The following CENPK variants were observed in gnomAD, a reference collection of about 807,000 sequenced individuals.
The protein encoded by CENPK is SoxLZ/Sox6-binding protein Solt.
In CENPK, 46 loss-of-function variants were observed where a neutral mutation model predicts 40.9. The observed-to-expected ratio is 1.13, with a 90% CI of 0.89 to 1.44. The LOEUF (loss-of-function observed/expected upper bound fraction) is 1.44, where lower values mean the gene tolerates loss of function less well. Among genes scored for constraint, CENPK ranks in the 40% most tolerant of loss-of-function variants. CENPK has a pLI of 0.00. For synonymous variants in CENPK, 107 were observed against 104.4 expected, an observed-to-expected ratio of 1.02 and a Z score of -0.15; for missense variants, 288 against 303.5, an observed-to-expected ratio of 0.95 and a Z score of 0.38.
At position 65,528,701 on chromosome 5, in the gene CENPK, T is replaced by C. The variant is rs180691282; in HGVS notation, c.471-123A>G. 3.7e-5 allele frequency: 46 copies of C among 1,239,682 alleles called. No individual in the cohort carries two copies. In the Admixed American group the frequency reaches 1.3e-3, roughly 36 times the overall value. 76.8% of individuals were successfully genotyped at this position (1,239,682 alleles called of 1,614,324 possible). ...ACTTCATTTGCTCAAACCAAATAACTACCTTTTTGAAAATCATATTGTCTA... is the reference window on the plus strand; with the variant it reads ...ACTTCATTTGCTCAAACCAAATAACCACCTTTTTGAAAATCATATTGTCTA... On this transcript the variant is annotated intron_variant, in intron 8 of 10. Coordinates refer to ENST00000396679, the MANE Select transcript of CENPK (RefSeq NM_022145.5).
intron 6 of CENPK, among the ~76,000 whole-genome samples, chr5:65,530,841 C>T (rs1309957836): frequency 2.6e-5 from 4 of 151,754 alleles, no homozygotes; most frequent in East Asian, 3.9e-4. Flanking sequence ...GGCCAGGAGG[C>T]GGAGGCTGCA....
chr5:65,546,246 T>C (rs1410099405), intron 5 of CENPK, among the ~76,000 whole-genome samples: 1 of 152,166 alleles, frequency 6.6e-6, no homozygotes, highest in South Asian at 2.1e-4. Flanking sequence ...GCTCAGGTGA[T>C]CCACCAGCCC....
the CENPK span, among the ~76,000 whole-genome samples, chr5:65,508,376 A>G: frequency 2.6e-5 from 4 of 152,250 alleles, no homozygotes; most frequent in Admixed American, 2.6e-4. Context: ...GTAATTTTCT[A>G]TCACTATGGA....
At chr5:65,541,561 C>T (rs1581015023) in intron 6 of CENPK, 1 of 413,876 alleles carries the variant, frequency 2.4e-6, no homozygotes, top group East Asian at 7.2e-5. Flanking sequence ...TATCCTTAGA[C>T]ACATGTTCTT....
the CENPK span, among the ~76,000 whole-genome samples, chr5:65,506,825 A>G: frequency 6.6e-6 from 1 of 152,080 alleles, no homozygotes; most frequent in Non-Finnish European, 1.5e-5. Flanking sequence ...TGTTTTTTCA[A>G]ACATCTTCAA....
In CENPK at chr5:65,537,680, T is replaced by C. The variant is rs192704888; in HGVS notation, c.288+5122A>G. Among the ~76,000 whole-genome samples the C allele has an allele frequency of 3.4e-3, 520 of 152,308 alleles. 1 individual carries two copies. The highest frequency in any genetic ancestry group is 5.6e-3 in the Non-Finnish European group (380 of 68,030). On this transcript the variant is annotated intron_variant, in intron 6 of 10. Transcript: ENST00000396679. ...GAAGAAAACAGACTAAGACAGCAGT[T>C]TTTTGTGGCGGGCTTTTTTCATTTA...
chr5:65,538,422 C>G (rs1484979314), intron 6 of CENPK, among the ~76,000 whole-genome samples: 1 of 152,120 alleles, frequency 6.6e-6, no homozygotes. Context: ...TATATTATTA[C>G]TTAGAAATAT....
chr5:65,532,025 GAGA>G (rs1206631055), intron 6 of CENPK, among the ~76,000 whole-genome samples: 6 of 152,286 alleles, frequency 3.9e-5, no homozygotes, highest in African/African-American at 1.4e-4. Context: ...ATGGGGTGGA[GAGA>G]AGGACATAAA....
intron 5 of CENPK, among the ~76,000 whole-genome samples, chr5:65,543,889 A>G (rs1748435857): frequency 6.6e-6 from 1 of 152,240 alleles, no homozygotes; most frequent in Admixed American, 6.5e-5. Context: ...AAAAACAGCA[A>G]GAAATATTAC....
chr5:65,515,494 C>T (rs373395806), downstream of CENPK, among the ~76,000 whole-genome samples: 296 of 152,262 alleles, frequency 1.9e-3, 2 homozygotes, highest in African/African-American at 6.8e-3. Flanking sequence ...TGAACCACCG[C>T]TTCCAGCCGC....
chr5:65,562,193 CA>C (rs1419896524), intron 1 of CENPK, among the ~76,000 whole-genome samples: 3 of 152,026 alleles, frequency 2.0e-5, no homozygotes, highest in Non-Finnish European at 2.9e-5. Context: ...CTCATTATTG[CA>C]TTGGTCTCTG....
intron 10 of CENPK, among the ~76,000 whole-genome samples, chr5:65,520,019 A>G (rs1743421563): frequency 6.6e-6 from 1 of 152,190 alleles, no homozygotes; most frequent in Non-Finnish European, 1.5e-5. Context: ...ATATGCTGAT[A>G]TAGTTTAGGT....
At chr5:65,509,808 T>C in the CENPK span, among the ~76,000 whole-genome samples, 1 of 152,248 alleles carries the variant, frequency 6.6e-6, no homozygotes. Context: ...ATGCTCACTT[T>C]GTGTCTCTCT....
intron 9 of CENPK, among the ~76,000 whole-genome samples, chr5:65,524,290 C>G (rs1469913573): frequency 6.7e-6 from 1 of 150,066 alleles, no homozygotes; most frequent in African/African-American, 2.5e-5. Flanking sequence ...GAGGCTGAGG[C>G]AGCAGAATCG....
At chr5:65,510,277 T>A in the CENPK span, among the ~76,000 whole-genome samples, 2 of 152,148 alleles carry the variant, frequency 1.3e-5, no homozygotes, top group African/African-American at 4.8e-5. Flanking sequence ...AGCAAACATA[T>A]GAATGGTAAG....
chr5:65,553,916 T>C (rs1399193826), intron 3 of CENPK, among the ~76,000 whole-genome samples: 1 of 152,208 alleles, frequency 6.6e-6, no homozygotes, highest in African/African-American at 2.4e-5. Flanking sequence ...AATCTTTTAA[T>C]GGCTCCCCAT....
At chr5:65,552,674 G>T in intron 3 of CENPK, 125 bp from the exon 4 acceptor site, 2 of 486,940 alleles carry the variant, frequency 4.1e-6, no homozygotes, top group Non-Finnish European at 3.6e-6. Flanking sequence ...ATGGAGAAGA[G>T]TTTATTGAAA....
chr5:65,555,801 A>C (rs971729545), intron 2 of CENPK, among the ~76,000 whole-genome samples: 2 of 152,216 alleles, frequency 1.3e-5, no homozygotes, highest in Non-Finnish European at 2.9e-5. Context: ...AAAGAAACAG[A>C]TTTGGCAAAC....
At chr5:65,543,125 G>A (rs1033620940) in intron 5 of CENPK, among the ~76,000 whole-genome samples, 8 of 152,020 alleles carry the variant, frequency 5.3e-5, no homozygotes, top group Non-Finnish European at 1.0e-4. Flanking sequence ...CAACATGCCT[G>A]GCTAATTTTT....
Sources: gnomAD v4.1 joint callset for allele counts (sites outside exome capture counted in the v4.1 genomes callset) on GRCh38, gnomAD v4.1.1 for gene constraint, MANE v1.5 for transcripts, NCBI Gene and HGNC (gene_info 2026-07-23, HGNC 2026-07-21) for gene names.